IGF2BP2: variants seen among roughly 807,000 people sequenced by gnomAD.
The protein encoded by IGF2BP2 is insulin-like growth factor 2 mRNA-binding protein 2.
A neutral mutation model predicts 75.8 loss-of-function variants in IGF2BP2; 17 were observed. That is an observed-to-expected ratio of 0.22 (90% CI 0.15 to 0.34). IGF2BP2 has a LOEUF of 0.34. Among genes scored for constraint, IGF2BP2 ranks in the 10% least tolerant of loss-of-function variants. IGF2BP2 has a pLI of 1.00. For missense variants in IGF2BP2, 516 were observed against 772.4 expected (o/e 0.67, Z 3.93); for synonymous variants, 288 against 295.6 (o/e 0.97, Z 0.26).
At position 185,672,553 on chromosome 3, in the gene IGF2BP2, G is replaced by A. The variant is rs747617859; in HGVS notation, c.1188C>T (p.Tyr396=). The A allele has an allele frequency of 6.2e-7, 1 of 1,611,234 alleles. No individual in the cohort carries two copies. The highest frequency in any genetic ancestry group is 8.5e-7 in the Non-Finnish European group (1 of 1,178,438). ...CTGAGCTACTTACAGTGAAGGGGTG[G>A]TAGGGGGCAGCGGGGGGAGCTCCGC... is the stretch of plus-strand genomic sequence containing the variant. ...GPRGAPPAAP[Y]HPFTTHSGYF... Residue 396 remains tyrosine, a synonymous_variant, in exon 10 of 16, where the codon TAC becomes TAT. Coordinates refer to ENST00000382199, the MANE Select transcript of IGF2BP2 (RefSeq NM_006548.6).
At chr3:185,646,737 T>G in intron 15 of IGF2BP2, 1 of 411,140 alleles carries the variant, frequency 2.4e-6, no homozygotes, top group Non-Finnish European at 4.5e-6. Flanking sequence ...GCCATGCCCT[T>G]AAACACTGCA....
intron 2 of IGF2BP2, chr3:185,713,606 G>A (rs895727922): frequency 2.6e-5 from 11 of 428,026 alleles, no homozygotes; most frequent in African/African-American, 8.1e-5. Context: ...TTAACATTGC[G>A]ATTCTGTGGA....
intron 2 of IGF2BP2, among the ~76,000 whole-genome samples, chr3:185,715,443 C>T (rs749785878): frequency 3.3e-4 from 50 of 152,122 alleles, no homozygotes; most frequent in Admixed American, 9.2e-4. Flanking sequence ...AGGTAAACAC[C>T]GGGAGGCAGG....
Position 185,643,879 on chromosome 3 carries a change from A to G in IGF2BP2, c.*1652T>C, listed in dbSNP as rs1447278215. The G allele has an allele frequency of 6.7e-6, 1 of 148,938 alleles. No homozygotes were observed. The highest frequency in any genetic ancestry group is 6.8e-5 in the Admixed American group (1 of 14,666). 9.2% of individuals were successfully genotyped at this position (148,938 alleles called of 1,614,324 possible). On this transcript the variant is annotated 3_prime_UTR_variant, in exon 16 of 16. Coordinates refer to ENST00000382199, the MANE Select transcript of IGF2BP2 (RefSeq NM_006548.6). ...ATGGCTTGTCCACATAAACCAGTAC[A>G]TGTTCATCCTTTAGCGCAAAAAGCC...
At chr3:185,735,663 G>A (rs1292101830) in intron 2 of IGF2BP2, among the ~76,000 whole-genome samples, 2 of 152,166 alleles carry the variant, frequency 1.3e-5, no homozygotes, top group Non-Finnish European at 2.9e-5. Flanking sequence ...CAGCAGAGGG[G>A]AAGGCTCCTT....
At chr3:185,737,114 C>G (rs995344452) in intron 2 of IGF2BP2, among the ~76,000 whole-genome samples, 6 of 152,204 alleles carry the variant, frequency 3.9e-5, no homozygotes, top group African/African-American at 1.2e-4. Flanking sequence ...TACATTTTCT[C>G]TTTCCATGAT....
chr3:185,787,907 T>A (rs1164175265), intron 2 of IGF2BP2, among the ~76,000 whole-genome samples: 1 of 152,210 alleles, frequency 6.6e-6, no homozygotes, highest in Non-Finnish European at 1.5e-5. Context: ...GTTTTGTTTT[T>A]TTAAACAATT....
At chr3:185,763,018 G>A (rs1015226258) in intron 2 of IGF2BP2, among the ~76,000 whole-genome samples, 11 of 151,890 alleles carry the variant, frequency 7.2e-5, no homozygotes, top group Admixed American at 2.0e-4. Flanking sequence ...CCCAAAACAG[G>A]GATTCATTAG....
intron 7 of IGF2BP2, among the ~76,000 whole-genome samples, chr3:185,686,233 A>G (rs1721113340): frequency 6.6e-6 from 1 of 152,192 alleles, no homozygotes; most frequent in South Asian, 2.1e-4. Flanking sequence ...AAAGTACAAA[A>G]ATTAGCTGGG....
In IGF2BP2 at chr3:185,698,481, T is replaced by C. The variant is rs189077224; in HGVS notation, c.240-134A>G. On this transcript the variant is annotated intron_variant, in intron 2 of 15. Coordinates refer to ENST00000382199, the MANE Select transcript of IGF2BP2 (RefSeq NM_006548.6). ...CACCATGGCATCAACAAAAAATTCC[T>C]ACTGTGAATCATGAGCATAGTTTTT... is the stretch of plus-strand genomic sequence containing the variant. 2.5e-3 allele frequency: 1,905 copies of C among 754,502 alleles called. 4 individuals carry two copies. Among genetic ancestry groups the C allele is most frequent in the South Asian group, 3.6e-3 (211 of 59,082 alleles). 46.7% of individuals were successfully genotyped at this position (754,502 alleles called of 1,614,324 possible).
At chr3:185,688,791 A>G (rs1178078439) in intron 6 of IGF2BP2, among the ~76,000 whole-genome samples, 1 of 152,220 alleles carries the variant, frequency 6.6e-6, no homozygotes, top group Non-Finnish European at 1.5e-5. Context: ...TTATTACATC[A>G]TGCTACAGTC....
intron 5 of IGF2BP2, among the ~76,000 whole-genome samples, chr3:185,689,833 TG>T (rs756159124): frequency 2.6e-4 from 39 of 151,110 alleles, no homozygotes; most frequent in Non-Finnish European, 4.6e-4. Context: ...CCGGGCGTAG[TG>T]GCGGGCGCCT....
chr3:185,677,453 G>A (rs967104508), intron 7 of IGF2BP2, among the ~76,000 whole-genome samples: 35 of 152,182 alleles, frequency 2.3e-4, no homozygotes, highest in African/African-American at 8.2e-4. Context: ...CTCTAGCTAG[G>A]CTGATTTCAG....
chr3:185,802,390 C>T (rs1397174469), intron 2 of IGF2BP2, among the ~76,000 whole-genome samples: 1 of 152,006 alleles, frequency 6.6e-6, no homozygotes, highest in Non-Finnish European at 1.5e-5. Flanking sequence ...GCAGTTTGCC[C>T]AAGGTTTCTT....
chr3:185,725,955 CT>C (rs1727267218), intron 2 of IGF2BP2, among the ~76,000 whole-genome samples: 1 of 152,130 alleles, frequency 6.6e-6, no homozygotes, highest in South Asian at 2.1e-4. Flanking sequence ...CAGGGTGAAA[CT>C]GTCAAAAAAT....
At chr3:185,675,496 A>G (rs1719193640) in intron 8 of IGF2BP2, 65 bp from the exon 9 acceptor site, 5 of 1,567,282 alleles carry the variant, frequency 3.2e-6, no homozygotes, top group Non-Finnish European at 4.3e-6. Context: ...CCAAAAAATA[A>G]AAAAATCACA....
chr3:185,795,407 C>G (rs1207054709), intron 2 of IGF2BP2, among the ~76,000 whole-genome samples: 1 of 152,182 alleles, frequency 6.6e-6, no homozygotes, highest in Non-Finnish European at 1.5e-5. Flanking sequence ...ACATGTTGAC[C>G]AATGCAAACA....
chr3:185,794,382 A>T (rs1172187338), intron 2 of IGF2BP2, among the ~76,000 whole-genome samples: 1 of 97,138 alleles, frequency 1.0e-5, no homozygotes, highest in Non-Finnish European at 2.1e-5. Flanking sequence ...TCATAGACTC[A>T]CAGAATTCTA....
intron 2 of IGF2BP2, among the ~76,000 whole-genome samples, chr3:185,796,590 C>T (rs1343670374): frequency 7.5e-6 from 1 of 133,648 alleles, no homozygotes; most frequent in African/African-American, 2.9e-5. Flanking sequence ...AAAAAAATTC[C>T]AGGGACAAGA....
Sources: gnomAD v4.1 joint callset for allele counts (sites outside exome capture counted in the v4.1 genomes callset) on GRCh38, gnomAD v4.1.1 for gene constraint, MANE v1.5 for transcripts, NCBI Gene and HGNC (gene_info 2026-07-23, HGNC 2026-07-21) for gene names.